TRPM4: variants seen among roughly 807,000 people sequenced by gnomAD.
The protein encoded by TRPM4 is transient receptor potential cation channel subfamily M member 4.
Under a neutral mutation model 135.6 loss-of-function variants are expected in TRPM4, and 124 were observed. That is an observed-to-expected ratio of 0.91 (90% CI 0.79 to 1.06). The LOEUF is 1.06. TRPM4 is among the 50% of genes least tolerant of loss of function. The probability of loss-of-function intolerance (pLI) is 0.00; values close to 1 mark genes in which losing one functional copy is unlikely to be tolerated. For missense variants in TRPM4, 1,658 were observed against 1,671.4 expected, an observed-to-expected ratio of 0.99 and a Z score of 0.14; for synonymous variants, 745 against 705.6, an observed-to-expected ratio of 1.06 and a Z score of -0.88.
rs1052502386 is a variant in TRPM4, at chr19:49,203,229, G to C, written c.3131+1088G>C. ...GAGTCTCGCTCTGTCGCCCAGGCTG[G>C]AGTGCAATGGTGCAATCTCAGCTTA... On this transcript the variant is annotated intron_variant, in intron 20 of 24. Transcript: ENST00000252826. Among the ~76,000 whole-genome samples, 3 of 150,982 alleles carry C rather than the reference G, an allele frequency of 2.0e-5. No homozygotes were observed. In the East Asian group the frequency reaches 5.9e-4, roughly 30 times the overall value.
chr19:49,210,802 C>A lies in TRPM4; in HGVS notation c.3421C>A (p.Arg1141=). 6.2e-7 allele frequency: 1 copy of A among 1,613,606 alleles called. No individual in the cohort carries two copies. The highest frequency in any genetic ancestry group is 8.5e-7 in the Non-Finnish European group (1 of 1,179,900). The change falls in exon 22 of 25, where the codon CGG becomes AGG. Residue 1141 remains arginine (R), a synonymous_variant. Transcript: ENST00000252826. This position sits in a 1 kb window ranked among gnomAD's most constrained non-coding sequence, Gnocchi z 4.1. ...NFLLARARDK[R]ESDSERLKRT... ...TCTGCTGGCACGCGCTAGGGACAAG[C>A]GGGAGAGCGACTCCGAGCGTCTGAA...
Position 49,205,688 on chromosome 19 carries a change from AC to A in TRPM4, c.3131+3548del, listed in dbSNP as rs1192722160. On this transcript the variant is annotated intron_variant, in intron 20 of 24. Transcript: ENST00000252826. ...GTAGCTGGGATTACAGGTGCCTGCC[AC>A]TATACACAGCTAATTTTTGTATTTT... Among the ~76,000 whole-genome samples, 3 of 151,668 alleles carry A rather than the reference AC, an allele frequency of 2.0e-5. 1 individual carries two copies. The highest frequency in any genetic ancestry group is 4.4e-5 in the Non-Finnish European group (3 of 67,938).
chr19:49,183,309 G>A lies in TRPM4; in HGVS notation c.1743+97G>A, dbSNP rs545480511. On this transcript the variant is annotated intron_variant, in intron 12 of 24. Transcript: ENST00000252826. The stretch of plus-strand genomic sequence containing the variant: ...ACCATACAATTCCCCGACCCCTGAC[G>A]TCACCTGACAGGCGCCCCATCCTCC... The A allele has an allele frequency of 1.8e-4, 278 of 1,530,458 alleles. 1 individual carries two copies. The South Asian group carries it at 3.0e-3, about 16-fold the overall frequency. The allele number at this position is 1,530,458 out of a possible 1,614,324, so 94.8% of individuals were successfully genotyped here. A position where few individuals can be genotyped will look rare whatever the true frequency, so the allele number is the denominator to read the frequency against.
chr19:49,192,300 G>A (rs1968442015), intron 16 of TRPM4, among the ~76,000 whole-genome samples: 1 of 152,080 alleles, frequency 6.6e-6, no homozygotes, highest in Admixed American at 6.6e-5. Flanking sequence ...CTGCCACCAC[G>A]CCCAGCTAAT....
chr19:49,181,527 C>A (rs1305533422), intron 10 of TRPM4, 66 bp downstream of exon 10: 2 of 830,428 alleles, frequency 2.4e-6, no homozygotes, highest in African/African-American at 2.1e-5. Context: ...CCCTCTCTGC[C>A]TTCTTTTTTT....
rs753873502 is a variant in TRPM4 at position 49,171,274 on chromosome 19, C to T, written c.797-83C>T. 1.0e-5 allele frequency: 15 copies of T among 1,460,368 alleles called. No homozygotes were observed. Among genetic ancestry groups the T allele is most frequent in the South Asian group, 8.0e-5 (7 of 87,868 alleles). 90.5% of individuals were successfully genotyped at this position (1,460,368 alleles called of 1,614,324 possible). ...AGATTAGGACAAGGCTGATGTTTGC[C>T]GACTCCTGGGAAATGCGGTTTTCTC... On this transcript the variant is annotated intron_variant, in intron 6 of 24. Transcript: ENST00000252826. This position sits in a 1 kb window ranked among gnomAD's most constrained non-coding sequence, Gnocchi z 4.7.
chr19:49,209,217 G>A (rs1228642870), intron 20 of TRPM4, among the ~76,000 whole-genome samples: 1 of 152,128 alleles, frequency 6.6e-6, no homozygotes, highest in Non-Finnish European at 1.5e-5. Flanking sequence ...AAGGGCTACT[G>A]CTCTGTAATT....
intron 9 of TRPM4, among the ~76,000 whole-genome samples, chr19:49,179,692 A>T (rs1406344595): frequency 6.6e-6 from 1 of 152,198 alleles, no homozygotes; most frequent in Non-Finnish European, 1.5e-5. Context: ...CCTTCTTTTG[A>T]AACTGTGGGG....
Position 49,200,379 on chromosome 19 carries a change from A to C in TRPM4, c.2725A>C (p.Ile909Leu). ...FMVFTVRLLH[I>L]FTVNKQLGPK... is the part of the protein sequence containing the mutation. ...GGTTTTCACGGTGCGGCTGCTTCACATCTTCACGGTCAACAAACAGCTGGG... is the reference window on the plus strand; with the variant it reads ...GGTTTTCACGGTGCGGCTGCTTCACCTCTTCACGGTCAACAAACAGCTGGG... Residue 909 changes from isoleucine (I) to leucine (L), a missense_variant, in exon 18 of 25, where the codon ATC (isoleucine) becomes CTC (leucine). Coordinates refer to ENST00000252826, the MANE Select transcript of TRPM4 (RefSeq NM_017636.4). 6.2e-7 allele frequency: 1 copy of C among 1,613,292 alleles called. No individual in the cohort carries two copies. Among genetic ancestry groups the C allele is most frequent in the Non-Finnish European group, 8.5e-7 (1 of 1,179,914 alleles).
intron 17 of TRPM4, 142 bp from the exon 18 acceptor site, chr19:49,200,158 G>A (rs549789856): frequency 1.6e-6 from 2 of 1,286,356 alleles, no homozygotes; most frequent in East Asian, 4.7e-5. Context: ...GAATAAATTT[G>A]AGTAAACCCC....
chr19:49,211,161 C>T lies in TRPM4; in HGVS notation c.3535-3C>T, dbSNP rs1275191390. ...CCGCTCTGACATTCCTCCCATTCCG[C>T]AGGTCCAGCAGTGTAGCCGCGTCCT... On this transcript the variant is annotated splice_polypyrimidine_tract_variant and splice_region_variant and intron_variant, in intron 23 of 24. Transcript: ENST00000252826. The surrounding 1 kb of genome is among the most constrained non-coding windows in gnomAD (Gnocchi z 4.8). The T allele has an allele frequency of 6.2e-7, 1 of 1,607,066 alleles. No individual in the cohort carries two copies. The highest frequency in any genetic ancestry group is 1.7e-5 in the Admixed American group (1 of 58,582).
Position 49,210,473 on chromosome 19 carries a change from G to C in TRPM4, c.3328+68G>C, listed in dbSNP as rs1969312469. On this transcript the variant is annotated intron_variant, in intron 21 of 24. Transcript: ENST00000252826. The surrounding 1 kb of genome is among the most constrained non-coding windows in gnomAD (Gnocchi z 4.1). ...CGGGAGCCTGGAAGGCGAGGGGAAG[G>C]GGGCATGCCCCAAATGACTAACGGG... 6 of 1,568,842 alleles carry C rather than the reference G, an allele frequency of 3.8e-6. No individual in the cohort carries two copies. The highest frequency in any genetic ancestry group is 5.2e-6 in the Non-Finnish European group (6 of 1,152,184).
chr19:49,203,134 A>G lies in TRPM4; in HGVS notation c.3131+993A>G, dbSNP rs112317337. ...TCTCAATCTCCTGACCTCGTGATCC[A>G]CCCGCCTTGGCCTCCCAAAGTGCTA... On this transcript the variant is annotated intron_variant, in intron 20 of 24. Coordinates refer to ENST00000252826, the MANE Select transcript of TRPM4 (RefSeq NM_017636.4). Among the ~76,000 whole-genome samples the G allele has an allele frequency of 1.1e-4, 15 of 141,158 alleles. 1 individual carries two copies. Among genetic ancestry groups the G allele is most frequent in the Admixed American group, 4.2e-4 (6 of 14,120 alleles). 92.6% of individuals were successfully genotyped at this position (141,158 alleles called of 152,430 possible).
chr19:49,157,816 G>T lies in TRPM4; in HGVS notation c.-51G>T, dbSNP rs998746621. On this transcript the variant is annotated 5_prime_UTR_variant, in exon 1 of 25. Coordinates refer to ENST00000252826, the MANE Select transcript of TRPM4 (RefSeq NM_017636.4). ...GGCGGGTCTGGAAGCAGAGCCGGCG[G>T]AGGGAGCGCCGGGGCCCTGGGCTGC... The T allele has an allele frequency of 9.8e-6, 15 of 1,533,392 alleles. No individual in the cohort carries two copies. In the African/African-American group the frequency reaches 1.9e-4, roughly 20 times the overall value. 95.0% of individuals were successfully genotyped at this position (1,533,392 alleles called of 1,614,324 possible).
intron 4 of TRPM4, 24 bp downstream of exon 4, chr19:49,168,121 G>C (rs367873987): frequency 1.9e-6 from 3 of 1,595,022 alleles, no homozygotes; most frequent in African/African-American, 1.3e-5. Flanking sequence ...GGTGGGGGCT[G>C]TCTCCTGGGC....
intron 16 of TRPM4, among the ~76,000 whole-genome samples, chr19:49,195,705 A>G (rs966500951): frequency 1.6e-5 from 2 of 127,632 alleles, no homozygotes; most frequent in African/African-American, 6.2e-5. Context: ...TTTTTTTTAG[A>G]CAGGGTCTCG....
At chr19:49,164,275 T>TCCCTCCCTCCC (rs1967078163) in intron 2 of TRPM4, among the ~76,000 whole-genome samples, 2 of 118,830 alleles carry the variant, frequency 1.7e-5, no homozygotes, top group Non-Finnish European at 1.8e-5. Context: ...TTCTCTCTCT[T>TCCCTCCCTCCC]TCCCTCCCTC....
At position 49,200,663 on chromosome 19, in the gene TRPM4, A is replaced by G. The variant is rs1286276337; in HGVS notation, c.2831A>G (p.Tyr944Cys). 1.9e-6 allele frequency: 3 copies of G among 1,613,934 alleles called. No individual in the cohort carries two copies. Among genetic ancestry groups the G allele is most frequent in the Admixed American group, 1.7e-5 (1 of 60,006 alleles). The change falls in exon 19 of 25, where the codon TAT (tyrosine) becomes TGT (cysteine). Residue 944 changes from tyrosine to cysteine, a missense_variant. By Grantham distance (194) the Tyr-to-Cys change is radical. Around this residue, in one of 3 missense-constraint regions of TRPM4, gnomAD observed 1,412 missense variants for 1,408.7 expected, o/e 1.00. Coordinates refer to ENST00000252826, the MANE Select transcript of TRPM4 (RefSeq NM_017636.4). ...LFFLGVWLVA[Y>C]GVATEGLLRP... ...TTCCTCGGCGTGTGGCTGGTAGCCT[A>G]TGGCGTGGCCACGGAGGGGCTCCTG...
chr19:49,193,887 ATCC>A, intron 16 of TRPM4, among the ~76,000 whole-genome samples: 1 of 133,112 alleles, frequency 7.5e-6, no homozygotes, highest in East Asian at 2.3e-4. Context: ...CCTCCTTGTC[ATCC>A]TCCTTCTCCT....
Sources: allele counts gnomAD v4.1 joint callset (sites outside exome capture counted in the v4.1 genomes callset), GRCh38; gene constraint gnomAD v4.1.1; regional missense constraint gnomAD v4.1.1; non-coding constraint Gnocchi (gnomAD v3.1); transcripts MANE v1.5; gene names NCBI Gene and HGNC (gene_info 2026-07-23, HGNC 2026-07-21).